ZNF69: variants seen among roughly 807,000 people sequenced by gnomAD.
The protein encoded by ZNF69 is ZNF3.
In ZNF69, 47 loss-of-function variants were observed where a neutral mutation model predicts 50.9. The ratio of observed to expected loss-of-function variants is 0.92; its 90% CI spans 0.73 to 1.18. ZNF69 has a LOEUF of 1.18. Ranked by LOEUF, ZNF69 falls within the 50% of genes most tolerant of loss-of-function variation. The probability of loss-of-function intolerance (pLI) is 0.00; values close to 1 mark genes in which losing one functional copy is unlikely to be tolerated. For missense variants in ZNF69, 717 were observed against 675.1 expected (o/e 1.06, Z -0.69); for synonymous variants, 216 against 223.1 (o/e 0.97, Z 0.29).
chr19:11,899,501 C>T (rs1485274725), intron 1 of ZNF69, among the ~76,000 whole-genome samples: 1 of 152,102 alleles, frequency 6.6e-6, no homozygotes, highest in Non-Finnish European at 1.5e-5. Flanking sequence ...TATTCATCTA[C>T]TGAAAGACTC....
the ZNF69 span, chr19:11,948,218 A>T: frequency 1.3e-6 from 2 of 1,558,360 alleles, no homozygotes; most frequent in Non-Finnish European, 1.7e-6. Context: ...ATACTTGTTG[A>T]TTAATATAGA....
At chr19:11,888,110 G>A (rs2145203199) in intron 1 of ZNF69, 124 bp downstream of exon 1, 1 of 838,918 alleles carries the variant, frequency 1.2e-6, no homozygotes, top group African/African-American at 1.7e-5. Context: ...AGTCCTCCTG[G>A]AGCCGCTCGG....
At position 11,906,056 on chromosome 19, in the gene ZNF69, T is replaced by A; in HGVS notation, c.1659T>A (p.Gly553=). 6.2e-7 allele frequency: 1 copy of A among 1,612,820 alleles called. No homozygotes were observed. The highest frequency in any genetic ancestry group is 1.7e-5 in the Admixed American group (1 of 59,724). The part of the protein sequence containing the change: ...FRAASVLRMH[G]RTHPEDKPYE... ...CTGCCTCAGTCCTTCGAATGCATGG[T>A]AGGACTCACCCTGAAGATAAACCCT... Residue 553 remains glycine, a synonymous_variant, in exon 4 of 4, where the codon GGT becomes GGA. Transcript: ENST00000429654.
intron 1 of ZNF69, among the ~76,000 whole-genome samples, chr19:11,900,502 G>A (rs1972221063): frequency 6.6e-6 from 1 of 152,010 alleles, no homozygotes; most frequent in South Asian, 2.1e-4. Flanking sequence ...ACAGGCTCAC[G>A]CCACCAGGCC....
rs2145236922 is a variant in ZNF69, at chr19:11,903,988, A to G, written c.251+23A>G. 1.9e-6 allele frequency: 3 copies of G among 1,609,262 alleles called. No individual in the cohort carries two copies. In the East Asian group the frequency reaches 6.7e-5, roughly 36 times the overall value. The stretch of plus-strand genomic sequence containing the variant: ...CAGGTAATTTGTACTTACAAGACAA[A>G]GCAGTGTCTCTCTAGACAATCTTAG... On this transcript the variant is annotated intron_variant, in intron 3 of 3. Transcript: ENST00000429654.
the ZNF69 span, among the ~76,000 whole-genome samples, chr19:11,925,810 C>G: frequency 6.6e-6 from 1 of 152,170 alleles, no homozygotes; most frequent in Non-Finnish European, 1.5e-5. Flanking sequence ...TATTCAGAGC[C>G]GAATAGGAGA....
chr19:11,970,374 G>T, the ZNF69 span, among the ~76,000 whole-genome samples: 1 of 152,206 alleles, frequency 6.6e-6, no homozygotes, highest in Admixed American at 6.5e-5. Context: ...GGAGGAGGTG[G>T]AGAACCAGAA....
At position 11,905,328 on chromosome 19, in the gene ZNF69, A is replaced by G. The variant is rs768267860; in HGVS notation, c.931A>G (p.Lys311Glu). The change falls in exon 4 of 4, where the codon AAA becomes GAA. Residue 311 changes from lysine (K) to glutamate (E), a missense_variant. Transcript: ENST00000429654. ...EKAYQCKECGKAFTCPQYVRI... is the reference protein window; with the variant it reads ...EKAYQCKECGEAFTCPQYVRI... ...GGCTTATCAATGTAAGGAATGTGGAAAAGCATTCACGTGTCCCCAGTATGT... is the reference window on the plus strand; with the variant it reads ...GGCTTATCAATGTAAGGAATGTGGAGAAGCATTCACGTGTCCCCAGTATGT... 1.2e-6 allele frequency: 2 copies of G among 1,614,210 alleles called. No individual in the cohort carries two copies.
At chr19:11,924,690 G>A in the ZNF69 span, among the ~76,000 whole-genome samples, 1 of 152,230 alleles carries the variant, frequency 6.6e-6, no homozygotes, top group East Asian at 1.9e-4. Context: ...GCCCGCTCGA[G>A]GACATATGCC....
At chr19:11,916,192 C>G (rs1447323781), downstream of ZNF69, among the ~76,000 whole-genome samples, 6 of 152,244 alleles carry the variant, frequency 3.9e-5, no homozygotes, top group South Asian at 2.1e-4. Context: ...GTCATTAAAA[C>G]AGTTCATAAC....
At chr19:11,907,540 AT>A (rs1287449330), downstream of ZNF69, among the ~76,000 whole-genome samples, 1 of 152,200 alleles carries the variant, frequency 6.6e-6, no homozygotes, top group East Asian at 1.9e-4. Flanking sequence ...AAAGGAAAGA[AT>A]TTTCAACCCA....
chr19:11,892,936 G>C (rs1977132054), intron 1 of ZNF69, among the ~76,000 whole-genome samples: 1 of 152,228 alleles, frequency 6.6e-6, no homozygotes, highest in Non-Finnish European at 1.5e-5. Context: ...CTGGGTTCAA[G>C]TAATTCTCCT....
the ZNF69 span, among the ~76,000 whole-genome samples, chr19:11,927,196 T>G: frequency 6.6e-6 from 1 of 151,908 alleles, no homozygotes; most frequent in Admixed American, 6.6e-5. Context: ...CTTCCAAAAC[T>G]AGCAAAAATT....
At chr19:11,964,633 T>C in the ZNF69 span, among the ~76,000 whole-genome samples, 1 of 152,002 alleles carries the variant, frequency 6.6e-6, no homozygotes, top group Non-Finnish European at 1.5e-5. Flanking sequence ...CATGTGCCTC[T>C]CCTGATGCAG....
the ZNF69 span, among the ~76,000 whole-genome samples, chr19:11,972,942 A>T: frequency 6.6e-6 from 1 of 152,202 alleles, no homozygotes; most frequent in African/African-American, 2.4e-5. Context: ...AAAAAAAATC[A>T]TTTTAAACCA....
At chr19:11,949,511 A>G in the ZNF69 span, 21 of 1,612,236 alleles carry the variant, frequency 1.3e-5, no homozygotes, top group Non-Finnish European at 1.6e-5. Flanking sequence ...GAAAGGACAG[A>G]AAAACACATA....
the ZNF69 span, chr19:11,947,470 A>AT: frequency 6.2e-7 from 1 of 1,605,950 alleles, no homozygotes; most frequent in Non-Finnish European, 8.5e-7. Context: ...TTTTTTCACA[A>AT]TTTTATACTG....
chr19:11,978,566 A>G, the ZNF69 span: 39 of 1,614,232 alleles, frequency 2.4e-5, no homozygotes, highest in Admixed American at 6.0e-4. Flanking sequence ...GTCTCAGATT[A>G]TATCTTATCC....
At chr19:11,971,164 C>T in the ZNF69 span, among the ~76,000 whole-genome samples, 1 of 152,044 alleles carries the variant, frequency 6.6e-6, no homozygotes, top group Non-Finnish European at 1.5e-5. Flanking sequence ...TCTGACAGTT[C>T]TTGAGGTTGT....
Sources: gnomAD v4.1 joint callset for allele counts (sites outside exome capture counted in the v4.1 genomes callset) on GRCh38, gnomAD v4.1.1 for gene constraint, MANE v1.5 for transcripts, NCBI Gene and HGNC (gene_info 2026-07-23, HGNC 2026-07-21) for gene names.